The following FGD3 variants were observed in gnomAD, a reference collection of about 807,000 sequenced individuals.
FGD3 encodes the protein FYVE, RhoGEF and PH domain containing 3.
A neutral mutation model predicts 71.8 loss-of-function variants in FGD3; 45 were observed. The observed-to-expected ratio is 0.63, with a 90% CI of 0.49 to 0.80. The LOEUF (loss-of-function observed/expected upper bound fraction) is 0.80, where lower values mean the gene tolerates loss of function less well. Among genes scored for constraint, FGD3 ranks in the 30% least tolerant of loss-of-function variants. The pLI, the probability that FGD3 is intolerant of heterozygous loss-of-function variation, is 0.00. For synonymous variants in FGD3, 378 were observed against 392.8 expected (o/e 0.96, Z 0.44); for missense variants, 844 against 951.5 (o/e 0.89, Z 1.49).
chr9:92,972,687 AAT>A (rs201275098), intron 1 of FGD3, among the ~76,000 whole-genome samples: 2 of 109,610 alleles, frequency 1.8e-5, no homozygotes, highest in African/African-American at 6.7e-5. Context: ...TATTTCCTCA[AAT>A]ATTTTTTTTG....
chr9:92,955,560 C>T (rs1859035722), intron 1 of FGD3, among the ~76,000 whole-genome samples: 1 of 152,118 alleles, frequency 6.6e-6, no homozygotes, highest in Non-Finnish European at 1.5e-5. Context: ...ACTGTATAGA[C>T]ACATAAGAGA....
chr9:93,021,021 A>G (rs911584191), intron 13 of FGD3, among the ~76,000 whole-genome samples: 9 of 152,302 alleles, frequency 5.9e-5, no homozygotes, highest in Admixed American at 5.2e-4. Flanking sequence ...GGTATGTTAC[A>G]TCATCCCCAC....
chr9:93,034,368 C>G (rs887762793), intron 16 of FGD3, 173 bp from the exon 17 acceptor site: 11 of 802,172 alleles, frequency 1.4e-5, no homozygotes, highest in Non-Finnish European at 1.9e-5. Context: ...CTGCAGGCTT[C>G]TAGTGACCCT....
chr9:93,007,023 C>T (rs1454025806), intron 6 of FGD3, among the ~76,000 whole-genome samples: 4 of 147,972 alleles, frequency 2.7e-5, no homozygotes, highest in Non-Finnish European at 4.5e-5. Flanking sequence ...CACCGCGCCC[C>T]GCCTGATCTT....
intron 8 of FGD3, 138 bp downstream of exon 8, chr9:93,011,410 A>G (rs1186012576): frequency 2.0e-6 from 2 of 1,011,386 alleles, no homozygotes; most frequent in Non-Finnish European, 3.0e-6. Flanking sequence ...TTCCACCCCC[A>G]TCCCCAGGGG....
At chr9:93,014,190 C>T (rs1053593675) in intron 9 of FGD3, among the ~76,000 whole-genome samples, 192 bp downstream of exon 9, 1 of 152,202 alleles carries the variant, frequency 6.6e-6, no homozygotes, top group African/African-American at 2.4e-5. Flanking sequence ...CCTCCACATC[C>T]AGACACCAAA....
In FGD3 at chr9:92,959,722, A is replaced by G. The variant is rs566569750; in HGVS notation, c.-218+11993A>G. 7.3e-5 allele frequency among the ~76,000 whole-genome samples: 11 copies of G among 151,638 alleles called. No individual in the cohort carries two copies. In the East Asian group the frequency reaches 2.1e-3, roughly 29 times the overall value. ...ACTCAGTCTCAAAAAAAAAAAAAAA[A>G]AAAAAATCAGCCCTAATAAGACTGT... On this transcript the variant is annotated intron_variant, in intron 1 of 17. Transcript: ENST00000375482.
chr9:92,999,301 C>T (rs1454212340), intron 3 of FGD3, among the ~76,000 whole-genome samples: 1 of 152,086 alleles, frequency 6.6e-6, no homozygotes, highest in South Asian at 2.1e-4. Context: ...CCTGGTGTGC[C>T]GTTTGCTAAG....
At chr9:93,025,484 G>A (rs914741632) in intron 14 of FGD3, among the ~76,000 whole-genome samples, 1 of 151,984 alleles carries the variant, frequency 6.6e-6, no homozygotes, top group Non-Finnish European at 1.5e-5. Context: ...GGTGAATGTG[G>A]TGTGATGGAG....
intron 1 of FGD3, among the ~76,000 whole-genome samples, chr9:92,959,771 G>A (rs1195720035): frequency 2.0e-5 from 3 of 150,374 alleles, no homozygotes; most frequent in Non-Finnish European, 4.4e-5. Flanking sequence ...GCTCATTTGT[G>A]TGGGTGTTTT....
At chr9:93,022,281 C>T (rs747122022) in intron 13 of FGD3, 46 bp from the exon 14 acceptor site, 33 of 1,578,966 alleles carry the variant, frequency 2.1e-5, no homozygotes, top group South Asian at 7.8e-5. Context: ...ACAGTGGCTG[C>T]GTGGCCCTGG....
intron 3 of FGD3, among the ~76,000 whole-genome samples, chr9:92,981,382 A>AAG (rs1554730501): frequency 6.6e-6 from 1 of 151,094 alleles, no homozygotes; most frequent in African/African-American, 2.5e-5. Context: ...AAAAAAAAAA[A>AAG]AAGAAAAAAA....
intron 9 of FGD3, 67 bp from the exon 10 acceptor site, chr9:93,015,670 C>A: frequency 2.5e-6 from 3 of 1,193,960 alleles, no homozygotes; most frequent in Non-Finnish European, 3.7e-6. Context: ...ATGTGAGAAG[C>A]TCACTGGGGC....
At chr9:92,952,704 TCTTTC>T (rs1858978376) in intron 1 of FGD3, among the ~76,000 whole-genome samples, 1 of 151,672 alleles carries the variant, frequency 6.6e-6, no homozygotes, top group African/African-American at 2.4e-5. Flanking sequence ...CTTCTTTCTC[TCTTTC>T]CTTCTTTCTC....
chr9:92,948,353 G>A (rs1047310755), intron 1 of FGD3, among the ~76,000 whole-genome samples: 3 of 152,192 alleles, frequency 2.0e-5, no homozygotes, highest in African/African-American at 7.2e-5. Flanking sequence ...GAAGTTTGAG[G>A]TTCATTAAGA....
chr9:92,983,353 T>C (rs1860066673), intron 3 of FGD3, among the ~76,000 whole-genome samples: 1 of 151,406 alleles, frequency 6.6e-6, no homozygotes, highest in African/African-American at 2.4e-5. Flanking sequence ...AAACCCCGTC[T>C]CTACTAAAAA....
intron 12 of FGD3, 49 bp from the exon 13 acceptor site, chr9:93,020,268 A>T: frequency 2.6e-6 from 4 of 1,538,620 alleles, no homozygotes; most frequent in Non-Finnish European, 3.5e-6. Flanking sequence ...TGTGGGTAGC[A>T]TCCTCCCATG....
intron 3 of FGD3, among the ~76,000 whole-genome samples, chr9:92,986,517 C>T (rs934752083): frequency 5.3e-5 from 8 of 152,172 alleles, no homozygotes; most frequent in African/African-American, 1.9e-4. Flanking sequence ...AAATAGCAGC[C>T]CTTCCATTTG....
At chr9:92,961,507 G>A (rs1859166865) in intron 1 of FGD3, among the ~76,000 whole-genome samples, 1 of 152,194 alleles carries the variant, frequency 6.6e-6, no homozygotes. Context: ...ACTTCCTGGT[G>A]GTTGCTTCTC....
Sources: allele counts gnomAD v4.1 joint callset (sites outside exome capture counted in the v4.1 genomes callset), GRCh38; gene constraint gnomAD v4.1.1; transcripts MANE v1.5; gene names NCBI Gene and HGNC (gene_info 2026-07-23, HGNC 2026-07-21).